The following PTPRD variants were observed in gnomAD, a reference collection of about 807,000 sequenced individuals.
PTPRD encodes the protein protein tyrosine phosphatase receptor type D, also known as receptor-type tyrosine-protein phosphatase delta.
PTPRD carries 34 observed loss-of-function variants against 214.5 expected under a neutral mutation model. The observed-to-expected ratio is 0.16, with a 90% CI of 0.12 to 0.21. The LOEUF is 0.21. Ranked by LOEUF, PTPRD falls within the 10% of genes least tolerant of loss-of-function variation. The pLI is 1.00. For missense variants in PTPRD, 2,545 were observed against 2,398.7 expected (o/e 1.06, Z -1.27); for synonymous variants, 1,128 against 845.7 (o/e 1.33, Z -5.79).
In PTPRD at chr9:8,740,247, A is replaced by G. The variant is rs74808726; in HGVS notation, c.-103-6301T>C. Among the ~76,000 whole-genome samples, 261 of 152,302 alleles carry G rather than the reference A, an allele frequency of 1.7e-3. 1 individual carries two copies. Among genetic ancestry groups the G allele is most frequent in the African/African-American group, 5.9e-3 (245 of 41,572 alleles). On this transcript the variant is annotated intron_variant, in intron 11 of 45. Coordinates refer to ENST00000381196, the MANE Select transcript of PTPRD (RefSeq NM_002839.4). The stretch of plus-strand genomic sequence containing the variant: ...AAAATATCCAAGTAGAAATAGTGTT[A>G]ACGAATGTTCCTTTAATATTAAAGG...
At chr9:8,548,351 G>T (rs973602336) in intron 14 of PTPRD, among the ~76,000 whole-genome samples, 2 of 152,070 alleles carry the variant, frequency 1.3e-5, no homozygotes, top group Admixed American at 6.6e-5. Flanking sequence ...GTGTTAGGTT[G>T]TATATGCATG....
chr9:8,784,129 C>G (rs2095846702), intron 11 of PTPRD, among the ~76,000 whole-genome samples: 1 of 152,168 alleles, frequency 6.6e-6, no homozygotes, highest in Admixed American at 6.5e-5. Flanking sequence ...TATTGAATTT[C>G]CCAGCCAAAC....
chr9:10,206,378 T>C (rs2099479152), intron 3 of PTPRD, among the ~76,000 whole-genome samples: 1 of 152,134 alleles, frequency 6.6e-6, no homozygotes, highest in African/African-American at 2.4e-5. Context: ...TCTGGAGTAA[T>C]CAAGCAAAGC....
At chr9:8,943,482 T>A (rs2099045681) in intron 11 of PTPRD, among the ~76,000 whole-genome samples, 1 of 151,730 alleles carries the variant, frequency 6.6e-6, no homozygotes, top group East Asian at 1.9e-4. Context: ...ACATCTACAG[T>A]GAACTTATTT....
At chr9:8,756,704 C>T (rs922310649) in intron 11 of PTPRD, among the ~76,000 whole-genome samples, 3 of 151,822 alleles carry the variant, frequency 2.0e-5, no homozygotes, top group Admixed American at 6.6e-5. Flanking sequence ...GGTAAAAATC[C>T]CCAAAATAAT....
chr9:10,378,363 G>A (rs147575309), intron 2 of PTPRD, among the ~76,000 whole-genome samples: 2 of 151,966 alleles, frequency 1.3e-5, no homozygotes, highest in African/African-American at 4.8e-5. Flanking sequence ...TGGGCTTGTA[G>A]GGTATTGCTC....
At chr9:10,442,994 T>A (rs2098771110) in intron 2 of PTPRD, among the ~76,000 whole-genome samples, 1 of 151,166 alleles carries the variant, frequency 6.6e-6, no homozygotes. Context: ...AGGGATCAAG[T>A]AGAATTTTCT....
At chr9:10,456,138 G>A (rs996382723) in intron 2 of PTPRD, among the ~76,000 whole-genome samples, 7 of 151,946 alleles carry the variant, frequency 4.6e-5, no homozygotes, top group Non-Finnish European at 1.0e-4. Flanking sequence ...TTCAGACTCT[G>A]TTCCATTCAT....
chr9:9,061,199 T>G (rs1053713278), intron 10 of PTPRD, among the ~76,000 whole-genome samples: 18 of 152,170 alleles, frequency 1.2e-4, no homozygotes, highest in Admixed American at 8.5e-4. Flanking sequence ...AAAAATTCCT[T>G]TGGTTGTAAA....
At chr9:10,340,779 A>G (rs919953977) in intron 3 of PTPRD, among the ~76,000 whole-genome samples, 184 bp downstream of exon 3, 6 of 151,946 alleles carry the variant, frequency 3.9e-5, no homozygotes, top group Non-Finnish European at 8.8e-5. Flanking sequence ...AGATTTCTCC[A>G]AAGTGTATAG....
At chr9:10,479,385 C>T (rs2099082441) in intron 2 of PTPRD, among the ~76,000 whole-genome samples, 1 of 152,050 alleles carries the variant, frequency 6.6e-6, no homozygotes, top group South Asian at 2.1e-4. Flanking sequence ...TGTAATACAT[C>T]ATTTCTTTGA....
intron 30 of PTPRD, among the ~76,000 whole-genome samples, chr9:8,473,903 C>T (rs912581351): frequency 1.3e-5 from 2 of 152,348 alleles, no homozygotes; most frequent in Non-Finnish European, 1.5e-5. Context: ...AGAAATAGGG[C>T]AGTGGCAATT....
chr9:8,321,083 C>G (rs963218766), intron 44 of PTPRD, among the ~76,000 whole-genome samples: 3 of 152,166 alleles, frequency 2.0e-5, no homozygotes, highest in African/African-American at 7.2e-5. Flanking sequence ...CGGAGTCAGT[C>G]TTTAAGAAGT....
At chr9:9,580,547 C>CTTTT (rs1176394314) in intron 7 of PTPRD, among the ~76,000 whole-genome samples, 2 of 123,072 alleles carry the variant, frequency 1.6e-5, no homozygotes, top group Non-Finnish European at 1.7e-5. Flanking sequence ...ACTTTATTTT[C>CTTTT]TTTTTTTTTT....
chr9:10,603,089 G>A (rs2078388302), intron 2 of PTPRD, among the ~76,000 whole-genome samples: 1 of 151,822 alleles, frequency 6.6e-6, no homozygotes, highest in South Asian at 2.1e-4. Context: ...GACGCCAAGA[G>A]GCTGTAGAGG....
At position 10,170,457 on chromosome 9, in the gene PTPRD, C is replaced by T. The variant is rs559653850; in HGVS notation, c.-544-136667G>A. The stretch of plus-strand genomic sequence containing the variant: ...CTGTAATCCCAGCACTTTGGGAGGC[C>T]GAGGCAGGCAGATCACGAGGTCAGG... On this transcript the variant is annotated intron_variant, in intron 3 of 45. Transcript: ENST00000381196. Among the ~76,000 whole-genome samples, 646 of 152,114 alleles carry T rather than the reference C, an allele frequency of 4.2e-3. 5 individuals are homozygous for T. The highest frequency in any genetic ancestry group is 0.015 in the African/African-American group (613 of 41,494).
intron 3 of PTPRD, among the ~76,000 whole-genome samples, chr9:10,294,831 C>A (rs925784404): frequency 6.6e-6 from 1 of 151,856 alleles, no homozygotes; most frequent in African/African-American, 2.4e-5. Flanking sequence ...ACCTAAATGA[C>A]AAATTAAATG....
At chr9:9,854,813 G>A (rs1302430807) in intron 5 of PTPRD, among the ~76,000 whole-genome samples, 1 of 151,872 alleles carries the variant, frequency 6.6e-6, no homozygotes, top group Non-Finnish European at 1.5e-5. Context: ...AGTGTTTCTG[G>A]GTGTAATTGT....
At chr9:9,411,599 G>A (rs2075454311) in intron 8 of PTPRD, among the ~76,000 whole-genome samples, 1 of 152,154 alleles carries the variant, frequency 6.6e-6, no homozygotes. Context: ...TTTCCGAAAT[G>A]AGAGCTAAAT....
Sources: gnomAD v4.1 joint callset for allele counts (sites outside exome capture counted in the v4.1 genomes callset) on GRCh38, gnomAD v4.1.1 for gene constraint, MANE v1.5 for transcripts, NCBI Gene and HGNC (gene_info 2026-07-23, HGNC 2026-07-21) for gene names.